SLC39A4: variants seen among roughly 807,000 people sequenced by gnomAD.
SLC39A4 encodes solute carrier family 39 member 4, also known as zinc transporter ZIP4.
A neutral mutation model predicts 56.6 loss-of-function variants in SLC39A4; 49 were observed. That is an observed-to-expected ratio of 0.87 (90% CI 0.69 to 1.10). The LOEUF is 1.10. Ranked by LOEUF, SLC39A4 falls within the 50% of genes least tolerant of loss-of-function variation. The pLI is 0.00. For missense variants in SLC39A4, 993 were observed against 864.2 expected (o/e 1.15, Z -1.87); for synonymous variants, 540 against 420.4 (o/e 1.28, Z -3.48).
intron 6 of SLC39A4, 59 bp from the exon 7 acceptor site, chr8:144,414,154 C>T: frequency 6.4e-7 from 1 of 1,561,570 alleles, no homozygotes; most frequent in East Asian, 2.3e-5. Flanking sequence ...CACCAAGACC[C>T]AGGGAGAGGG....
Position 144,415,330 on chromosome 8 carries a change from G to A in SLC39A4, c.564C>T (p.Asp188=), listed in dbSNP as rs782170910. 3.1e-6 allele frequency: 5 copies of A among 1,612,604 alleles called. No individual in the cohort carries two copies. In the South Asian group the frequency reaches 5.5e-5, roughly 18 times the overall value. ...SAGGVLAALL[D]HVRSGSCFHA... ...GGAAGCAAGACCCGCTCCTGACATG[G>A]TCCAGCAGGGCAGCCAGGACGCCGC... The change falls in exon 3 of 12, where the codon GAC becomes GAT. Residue 188 remains aspartate, a synonymous_variant. Transcript: ENST00000301305.
chr8:144,414,377 A>G lies in SLC39A4; in HGVS notation c.1034T>C (p.Leu345Pro). The G allele has an allele frequency of 6.3e-7, 1 of 1,583,448 alleles. No individual in the cohort carries two copies. Among genetic ancestry groups the G allele is most frequent in the Non-Finnish European group, 8.6e-7 (1 of 1,166,208 alleles). ...LLICLCAVFG[L>P]LLLTCTGCRG... ...GCAGCCAGTGCAGGTCAGCAGCAGGAGGCCAAAGACCGCGCAGAGGCAGAT... is the reference window on the plus strand; with the variant it reads ...GCAGCCAGTGCAGGTCAGCAGCAGGGGGCCAAAGACCGCGCAGAGGCAGAT... The change falls in exon 6 of 12, where the codon CTC becomes CCC. Residue 345 changes from leucine to proline, a missense_variant. Coordinates refer to ENST00000301305, the MANE Select transcript of SLC39A4 (RefSeq NM_130849.4).
At position 144,412,847 on chromosome 8, in the gene SLC39A4, G is replaced by A. The variant is rs1205215110; in HGVS notation, c.1727C>T (p.Ala576Val). The change falls in exon 11 of 12, where the codon GCA (alanine) becomes GTA (valine). Residue 576 changes from alanine to valine, a missense_variant. Physicochemically the swap from Ala to Val is moderately conservative, Grantham distance 64 (BLOSUM62 0). Coordinates refer to ENST00000301305, the MANE Select transcript of SLC39A4 (RefSeq NM_130849.4). The stretch of plus-strand genomic sequence containing the variant: ...CTCCTCGCTGACTCCAACCGCGAGT[G>A]CCACGTAGAGACCAGCGAAGGCCGT... ...ALTAFAGLYV[A>V]LAVGVSEESE... 2 of 1,612,540 alleles carry A rather than the reference G, an allele frequency of 1.2e-6. No homozygotes were observed. The highest frequency in any genetic ancestry group is 1.7e-6 in the Non-Finnish European group (2 of 1,179,916).
chr8:144,415,494 C>A, intron 2 of SLC39A4, 75 bp from the exon 3 acceptor site: 1 of 1,463,544 alleles, frequency 6.8e-7, no homozygotes, highest in South Asian at 1.3e-5. Context: ...CTGGATGCAT[C>A]TCCCACCCCA....
rs1554873926 is a variant in SLC39A4 at position 144,416,098 on chromosome 8, G to A, written c.193-7C>T. 8 of 1,600,688 alleles carry A rather than the reference G, an allele frequency of 5.0e-6. No homozygotes were observed. The South Asian group carries it at 8.9e-5, about 18-fold the overall frequency. On this transcript the variant is annotated splice_polypyrimidine_tract_variant and splice_region_variant and intron_variant, in intron 1 of 11. Transcript: ENST00000301305. ...CGTCCTCCACAGACAGGCACTGTGGGCAGAGACAAGTGAGCAGGGGCGCTG... is the reference window on the plus strand; with the variant it reads ...CGTCCTCCACAGACAGGCACTGTGGACAGAGACAAGTGAGCAGGGGCGCTG...
At chr8:144,416,273 G>T (rs1199447001) in intron 1 of SLC39A4, 182 bp from the exon 2 acceptor site, 3 of 1,545,694 alleles carry the variant, frequency 1.9e-6, no homozygotes, top group East Asian at 4.7e-5. Flanking sequence ...CAACTACAGG[G>T]GTGCACGCAG....
In SLC39A4 at chr8:144,414,965, G is replaced by A. The variant is rs200693339; in HGVS notation, c.804+9C>T. 1.6e-4 allele frequency: 251 copies of A among 1,612,782 alleles called. 1 individual carries two copies. Among genetic ancestry groups the A allele is most frequent in the East Asian group, 6.9e-4 (31 of 44,888 alleles). ...GTGAGGCCCCATCTTACCCCAGGGC[G>A]CAGCTCACCGTGTCCCACACACTGG... On this transcript the variant is annotated intron_variant, in intron 4 of 11. Transcript: ENST00000301305.
intron 8 of SLC39A4, 58 bp downstream of exon 8, chr8:144,413,692 T>A: frequency 3.9e-6 from 6 of 1,531,294 alleles, no homozygotes. Flanking sequence ...AGTGTGGGCG[T>A]GGGAAGGGGT....
rs1554872250 is a variant in SLC39A4 at position 144,413,278 on chromosome 8, G to A, written c.1586C>T (p.Thr529Ile). ...CTCGTGGCAGAACACGGCCAGCGAGGTGGCCAGCCCGGTCTTCCAGGAGGA... is the reference window on the plus strand; with the variant it reads ...CTCGTGGCAGAACACGGCCAGCGAGATGGCCAGCCCGGTCTTCCAGGAGGA... ...FASSWKTGLA[T>I]SLAVFCHELP... Residue 529 changes from threonine to isoleucine, a missense_variant, in exon 10 of 12, where the codon ACC (threonine) becomes ATC (isoleucine). Thr to Ile is a moderately conservative substitution (Grantham distance 89). Coordinates refer to ENST00000301305, the MANE Select transcript of SLC39A4 (RefSeq NM_130849.4). 6.3e-7 allele frequency: 1 copy of A among 1,598,086 alleles called. No homozygotes were observed. The highest frequency in any genetic ancestry group is 1.7e-5 in the Admixed American group (1 of 58,812).
intron 1 of SLC39A4, 174 bp from the exon 2 acceptor site, chr8:144,416,265 A>G (rs1015351259): frequency 8.6e-5 from 133 of 1,553,896 alleles, no homozygotes; most frequent in Non-Finnish European, 1.1e-4. Context: ...TGCTTCCCCA[A>G]CTACAGGGGT....
In SLC39A4 at chr8:144,414,885, A is replaced by G. The variant is rs1554873294; in HGVS notation, c.816T>C (p.Ser272=). 6.2e-7 allele frequency: 1 copy of G among 1,613,134 alleles called. No homozygotes were observed. Among genetic ancestry groups the G allele is most frequent in the Non-Finnish European group, 8.5e-7 (1 of 1,179,910 alleles). The part of the protein sequence containing the change: ...SSSVWDTVCL[S]ARDVMAAYGL... ...CATATGCAGCCATCACGTCCCTGGCACTCAGGCATACCTGGGGGGTGGCAG... is the reference window on the plus strand; with the variant it reads ...CATATGCAGCCATCACGTCCCTGGCGCTCAGGCATACCTGGGGGGTGGCAG... The change falls in exon 5 of 12, where the codon AGT becomes AGC. Residue 272 remains serine (S), a synonymous_variant. Coordinates refer to ENST00000301305, the MANE Select transcript of SLC39A4 (RefSeq NM_130849.4).
At chr8:144,413,040 C>T in intron 10 of SLC39A4, 94 bp from the exon 11 acceptor site, 1 of 1,505,642 alleles carries the variant, frequency 6.6e-7, no homozygotes, top group Non-Finnish European at 8.9e-7. Context: ...AGGCCCCGCC[C>T]ACCTGTTCCC....
intron 5 of SLC39A4, 93 bp downstream of exon 5, chr8:144,414,632 C>T: frequency 1.9e-6 from 3 of 1,562,422 alleles, no homozygotes; most frequent in Non-Finnish European, 8.7e-7. Flanking sequence ...CCCCTGCTCA[C>T]TCTCTCCATC....
rs1356475652 is a variant in SLC39A4, at chr8:144,412,638, G to C, written c.1844C>G (p.Pro615Arg). The change falls in exon 12 of 12, where the codon CCG (proline) becomes CGG (arginine). Residue 615 changes from proline (P) to arginine (R), a missense_variant. Transcript: ENST00000301305. ...MLPAMLKVRD[P>R]RPWLLFLLHN... ...CAGCAGGAAGAGGAGCCAGGGCCGC[G>C]GGTCCCGTACTTTCAACATCGCCGG... The C allele has an allele frequency of 1.2e-6, 2 of 1,613,960 alleles. No homozygotes were observed. The highest frequency in any genetic ancestry group is 2.7e-5 in the African/African-American group (2 of 74,938).
chr8:144,416,187 C>G (rs781923406), intron 1 of SLC39A4, 96 bp from the exon 2 acceptor site: 1 of 1,594,458 alleles, frequency 6.3e-7, no homozygotes, highest in Non-Finnish European at 8.5e-7. Flanking sequence ...GTTTCCCTTT[C>G]AAGTCCAACA....
chr8:144,415,801 C>G lies in SLC39A4; in HGVS notation c.474+9G>C. On this transcript the variant is annotated intron_variant, in intron 2 of 11. Transcript: ENST00000301305. The stretch of plus-strand genomic sequence containing the variant: ...CCCACTCCCCTGGTCTGCCTGGACT[C>G]TCCCTCACCATCTTGGGGGTCTGGC... 6.3e-7 allele frequency: 1 copy of G among 1,592,424 alleles called. No individual in the cohort carries two copies. Among genetic ancestry groups the G allele is most frequent in the South Asian group, 1.1e-5 (1 of 89,828 alleles).
intron 1 of SLC39A4, 131 bp from the exon 2 acceptor site, chr8:144,416,222 C>T (rs1554873996): frequency 1.3e-6 from 2 of 1,586,438 alleles, no homozygotes; most frequent in Non-Finnish European, 1.7e-6. Context: ...CTCTCAACCC[C>T]TGGCGCCCTT....
rs1554873545 is a variant in SLC39A4, at chr8:144,415,293, T to C, written c.601A>G (p.Ser201Gly). ...RSGSCFHALP[S>G]PQYFVDFVFQ... The stretch of plus-strand genomic sequence containing the variant: ...ACAAAGTCCACGAAGTACTGAGGGC[T>C]CGGCAAGGCGTGGAAGCAAGACCCG... Residue 201 changes from serine to glycine, a missense_variant, in exon 3 of 12, where the codon AGC becomes GGC. By Grantham distance (56) the Ser-to-Gly change is moderately conservative. Transcript: ENST00000301305. The C allele has an allele frequency of 1.2e-6, 2 of 1,613,148 alleles. No homozygotes were observed. The highest frequency in any genetic ancestry group is 2.2e-5 in the South Asian group (2 of 91,078).
At position 144,414,416 on chromosome 8, in the gene SLC39A4, A is replaced by G. The variant is rs1554873076; in HGVS notation, c.995T>C (p.Leu332Pro). ...SQSERYLYGS[L>P]ATLLICLCAV... The stretch of plus-strand genomic sequence containing the variant: ...GCAGAGGCAGATGAGCAGCGTGGCC[A>G]GGGAGCCGTACAGATACCCTGGGGG... The change falls in exon 6 of 12, where the codon CTG becomes CCG. Residue 332 changes from leucine to proline, a missense_variant. By Grantham distance (98) the Leu-to-Pro change is moderately conservative. Transcript: ENST00000301305. 2 of 1,560,908 alleles carry G rather than the reference A, an allele frequency of 1.3e-6. No homozygotes were observed. Among genetic ancestry groups the G allele is most frequent in the Admixed American group, 2.0e-5 (1 of 51,274 alleles).
Sources: gnomAD v4.1 joint callset for allele counts on GRCh38, gnomAD v4.1.1 for gene constraint, MANE v1.5 for transcripts, NCBI Gene and HGNC (gene_info 2026-07-23, HGNC 2026-07-21) for gene names.